PYROXD2: variants seen among roughly 807,000 people sequenced by gnomAD.
The protein encoded by PYROXD2 is pyridine nucleotide-disulphide oxidoreductase domain 2.
In PYROXD2, 69 loss-of-function variants were observed where a neutral mutation model predicts 71.1. The observed-to-expected ratio is 0.97, with a 90% confidence interval of 0.80 to 1.19. The LOEUF (loss-of-function observed/expected upper bound fraction) is 1.19, where lower values mean the gene tolerates loss of function less well. Among genes scored for constraint, PYROXD2 ranks in the 50% most tolerant of loss-of-function variants. PYROXD2 has a pLI of 0.00. For missense variants in PYROXD2, 745 were observed against 748.9 expected, an observed-to-expected ratio of 0.99 and a Z score of 0.06; for synonymous variants, 287 against 302.7, an observed-to-expected ratio of 0.95 and a Z score of 0.54.
In PYROXD2 at chr10:98,391,167, C is replaced by T. The variant is rs1046495373; in HGVS notation, c.1063-85G>A. Reference sequence around the variant, plus strand: ...TCTTTCTTTGCTCAGGAAGATCCCTCAGTCGCTCCCTCCGGAAATCCTCTT... The same window carrying T: ...TCTTTCTTTGCTCAGGAAGATCCCTTAGTCGCTCCCTCCGGAAATCCTCTT... On this transcript the variant is annotated intron_variant, in intron 10 of 15. Transcript: ENST00000370575. The T allele has an allele frequency of 1.1e-5, 10 of 883,588 alleles. No individual in the cohort carries two copies. In the African/African-American group the frequency reaches 1.3e-4, roughly 12 times the overall value. 54.7% of individuals were successfully genotyped at this position (883,588 alleles called of 1,614,324 possible). A position where few individuals can be genotyped will look rare whatever the true frequency, so the allele number is the denominator to read the frequency against.
chr10:98,402,665 C>T (rs1255246832), intron 4 of PYROXD2, among the ~76,000 whole-genome samples: 1 of 152,262 alleles, frequency 6.6e-6, no homozygotes, highest in Non-Finnish European at 1.5e-5. Flanking sequence ...GATCCGTGGC[C>T]TGCAACCTCA....
chr10:98,385,078 A>C lies in PYROXD2; in HGVS notation c.1555-11T>G. On this transcript the variant is annotated splice_polypyrimidine_tract_variant and intron_variant, in intron 14 of 15. Transcript: ENST00000370575. ...GCAGTGGAATATGTTCTGCAGAGGC[A>C]GGGCCACAGTCATCAGCACAGGAGA... 2 of 1,613,536 alleles carry C rather than the reference A, an allele frequency of 1.2e-6. No homozygotes were observed. Among genetic ancestry groups the C allele is most frequent in the Non-Finnish European group, 1.7e-6 (2 of 1,179,820 alleles).
intron 1 of PYROXD2, among the ~76,000 whole-genome samples, chr10:98,412,921 C>G (rs1487653473): frequency 6.6e-6 from 1 of 152,190 alleles, no homozygotes; most frequent in Admixed American, 6.5e-5. Context: ...CTGGAGATGG[C>G]TCCCACCAGC....
Position 98,395,419 on chromosome 10 carries a change from T to C in PYROXD2, c.659A>G (p.Tyr220Cys), listed in dbSNP as rs1485345099. 6.2e-7 allele frequency: 1 copy of C among 1,614,146 alleles called. No individual in the cohort carries two copies. Among genetic ancestry groups the C allele is most frequent in the Non-Finnish European group, 8.5e-7 (1 of 1,180,010 alleles). ...GGTAATGGGAGCTGTGAGGACCTCA[T>C]AATATCGGGGAAGCTGGGCTCCCAG... is the stretch of plus-strand genomic sequence containing the variant. ...RILGAQLPRY[Y>C]EVLTAPITKV... Residue 220 changes from tyrosine to cysteine, a missense_variant, in exon 7 of 16, where the codon TAT becomes TGT. By Grantham distance (194) the Tyr-to-Cys change is radical. Transcript: ENST00000370575.
chr10:98,392,852 T>C (rs755898387), intron 9 of PYROXD2, 90 bp downstream of exon 9: 616 of 1,436,446 alleles, frequency 4.3e-4, no homozygotes, highest in Non-Finnish European at 5.6e-4. Context: ...CCTCTGTTCA[T>C]TGGTAAAACA....
chr10:98,388,652 C>G, intron 12 of PYROXD2, 144 bp from the exon 13 acceptor site: 2 of 967,684 alleles, frequency 2.1e-6, no homozygotes, highest in Non-Finnish European at 2.9e-6. Flanking sequence ...TGGTTGTCCA[C>G]CTGCACGGGC....
chr10:98,385,142 C>T (rs954020624), intron 14 of PYROXD2, 75 bp from the exon 15 acceptor site: 1 of 1,558,762 alleles, frequency 6.4e-7, no homozygotes. Context: ...TTCTTCCCCT[C>T]CCCTGTTCTT....
chr10:98,392,866 G>T, intron 9 of PYROXD2, 76 bp downstream of exon 9: 1 of 1,507,320 alleles, frequency 6.6e-7, no homozygotes, highest in Non-Finnish European at 9.1e-7. Flanking sequence ...TAAAACAAGG[G>T]ACCTTCCAAA....
In PYROXD2 at chr10:98,393,080, A is replaced by G. The variant is rs1266587038; in HGVS notation, c.789T>C (p.Tyr263=). The G allele has an allele frequency of 1.9e-6, 3 of 1,574,154 alleles. No homozygotes were observed. The highest frequency in any genetic ancestry group is 2.4e-5 in the South Asian group (2 of 84,564). ...MTSPHTPGSG[Y]VLLHHVMGGL... is the part of the protein sequence containing the mutation. ...CCCCCATCACATGGTGCAGCAGCAC[A>G]TACCTGTGGACAGACCATCCGACTC... is the stretch of plus-strand genomic sequence containing the variant. Residue 263 remains tyrosine (Y), a synonymous_variant, in exon 9 of 16, where the codon TAT becomes TAC. Transcript: ENST00000370575.
rs1249692385 is a variant in PYROXD2 at position 98,411,246 on chromosome 10, C to T, written c.128-288G>A. 5.9e-5 allele frequency: 26 copies of T among 439,166 alleles called. No individual in the cohort carries two copies. The East Asian group carries it at 9.3e-4, about 16-fold the overall frequency. 27.2% of individuals were successfully genotyped at this position (439,166 alleles called of 1,614,324 possible). A position where few individuals can be genotyped will look rare whatever the true frequency, so the allele number is the denominator to read the frequency against. On this transcript the variant is annotated intron_variant, in intron 1 of 15. Coordinates refer to ENST00000370575, the MANE Select transcript of PYROXD2 (RefSeq NM_032709.3). ...TGGAGTGAGGGGCTCATGAGAGCAT[C>T]GCCAGGGCTTCCATTGCTTGGGAGG...
chr10:98,401,518 T>C, intron 4 of PYROXD2, among the ~76,000 whole-genome samples: 1 of 152,158 alleles, frequency 6.6e-6, no homozygotes, highest in Admixed American at 6.5e-5. Context: ...TGCAAACTTT[T>C]AAACTTTATA....
At chr10:98,407,839 G>T in intron 3 of PYROXD2, 65 bp downstream of exon 3, 1 of 1,497,462 alleles carries the variant, frequency 6.7e-7, no homozygotes. Flanking sequence ...CCCGGGGTCA[G>T]CAGGGATGGA....
At chr10:98,401,479 A>T (rs902470601) in intron 4 of PYROXD2, among the ~76,000 whole-genome samples, 3 of 152,070 alleles carry the variant, frequency 2.0e-5, no homozygotes, top group Non-Finnish European at 2.9e-5. Flanking sequence ...TACATTTATT[A>T]AAAAATTTTC....
Position 98,410,925 on chromosome 10 carries a change from G to A in PYROXD2, c.147+14C>T, listed in dbSNP as rs202138600. 354 of 1,562,740 alleles carry A rather than the reference G, an allele frequency of 2.3e-4. 2 individuals carry two copies. The highest frequency in any genetic ancestry group is 2.6e-4 in the Non-Finnish European group (298 of 1,152,714). On this transcript the variant is annotated intron_variant, in intron 2 of 15. Coordinates refer to ENST00000370575, the MANE Select transcript of PYROXD2 (RefSeq NM_032709.3). ...CAGGGCCAGTGAAGTGGGATCAAGT[G>A]GGGAGGTACTCACAGCCACCAGTCC...
At chr10:98,407,476 CA>C (rs1564809800) in intron 4 of PYROXD2, 105 bp downstream of exon 4, 2 of 1,385,282 alleles carry the variant, frequency 1.4e-6, no homozygotes, top group East Asian at 2.4e-5. Flanking sequence ...AGGGAGCCCT[CA>C]GGGGCGGGCA....
At position 98,388,406 on chromosome 10, in the gene PYROXD2, C is replaced by T; in HGVS notation, c.1395G>A (p.Leu465=). Residue 465 remains leucine (L), a synonymous_variant, in exon 13 of 16, where the codon CTG becomes CTA. Transcript: ENST00000370575. The part of the protein sequence containing the change: ...SLFTQYMPYT[L]AGGKAWDEQE... The stretch of plus-strand genomic sequence containing the variant: ...GCTCGTCCCAGGCCTTGCCTCCAGC[C>T]AGCGTATAGGGCATGTACTGAGTGA... 1.2e-6 allele frequency: 2 copies of T among 1,613,762 alleles called. No individual in the cohort carries two copies. The highest frequency in any genetic ancestry group is 1.1e-5 in the South Asian group (1 of 91,014).
At chr10:98,383,921 G>C (rs750555829) in intron 15 of PYROXD2, 53 bp from the exon 16 acceptor site, 9 of 1,524,052 alleles carry the variant, frequency 5.9e-6, no homozygotes, top group East Asian at 2.3e-5. Context: ...CTGCCAGGGT[G>C]GGGGTGGGGA....
chr10:98,386,183 G>T (rs1324442529), intron 14 of PYROXD2, among the ~76,000 whole-genome samples: 1 of 152,018 alleles, frequency 6.6e-6, no homozygotes, highest in African/African-American at 2.4e-5. Context: ...AGGCTGAGGT[G>T]GGAGGATGGA....
intron 5 of PYROXD2, 69 bp from the exon 6 acceptor site, chr10:98,397,567 C>T: frequency 6.9e-7 from 1 of 1,458,858 alleles, no homozygotes; most frequent in Non-Finnish European, 9.1e-7. Context: ...CCCAGATGGC[C>T]TGTCACCCCC....
Sources: allele counts gnomAD v4.1 joint callset (sites outside exome capture counted in the v4.1 genomes callset), GRCh38; gene constraint gnomAD v4.1.1; transcripts MANE v1.5; gene names NCBI Gene and HGNC (gene_info 2026-07-23, HGNC 2026-07-21).